Variants in PPFIA1 observed in about 807,000 individuals in gnomAD.
PPFIA1 encodes the protein liprin-alpha-1.
PPFIA1 carries 25 observed loss-of-function variants against 149.9 expected under a neutral mutation model. The observed-to-expected ratio is 0.17, with a 90% CI of 0.12 to 0.23. PPFIA1 has a LOEUF of 0.23. Among genes scored for constraint, PPFIA1 ranks in the 10% least tolerant of loss-of-function variants. The probability of loss-of-function intolerance (pLI) is 1.00; values close to 1 mark genes in which losing one functional copy is unlikely to be tolerated. For synonymous variants in PPFIA1, 549 were observed against 552.8 expected (o/e 0.99, Z 0.10); for missense variants, 1,362 against 1,506.5 (o/e 0.90, Z 1.59).
In PPFIA1 at chr11:70,326,583, T is replaced by C. The variant is rs2054301885; in HGVS notation, c.709-14T>C. On this transcript the variant is annotated splice_polypyrimidine_tract_variant and intron_variant, in intron 6 of 27. Coordinates refer to ENST00000253925, the MANE Select transcript of PPFIA1 (RefSeq NM_003626.5). Reference sequence around the variant, plus strand: ...AAACAAGGGTATTTAAGGATTTTTTTTTCCCCCTATCAGAGATCTTCTGAT... The same window carrying C: ...AAACAAGGGTATTTAAGGATTTTTTCTTCCCCCTATCAGAGATCTTCTGAT... 6.3e-7 allele frequency: 1 copy of C among 1,587,386 alleles called. No homozygotes were observed. Among genetic ancestry groups the C allele is most frequent in the Non-Finnish European group, 8.6e-7 (1 of 1,165,426 alleles).
chr11:70,380,373 C>T (rs1485071876), intron 26 of PPFIA1, among the ~76,000 whole-genome samples: 1 of 151,504 alleles, frequency 6.6e-6, no homozygotes, highest in Non-Finnish European at 1.5e-5. Context: ...CAAGACCATC[C>T]TGGCTAACAC....
intron 2 of PPFIA1, among the ~76,000 whole-genome samples, chr11:70,315,545 A>G (rs1039860469): frequency 6.6e-6 from 1 of 152,126 alleles, no homozygotes; most frequent in Non-Finnish European, 1.5e-5. Context: ...GACTGAGGCG[A>G]GTAGCTTCTA....
chr11:70,343,569 T>C (rs1458360998), intron 14 of PPFIA1, 100 bp from the exon 15 acceptor site: 3 of 1,056,198 alleles, frequency 2.8e-6, no homozygotes, highest in African/African-American at 1.6e-5. Flanking sequence ...CTAAAATCTT[T>C]TGGGCTTTCA....
intron 2 of PPFIA1, among the ~76,000 whole-genome samples, chr11:70,309,347 T>C (rs1372872928): frequency 6.6e-6 from 1 of 152,142 alleles, no homozygotes; most frequent in Non-Finnish European, 1.5e-5. Flanking sequence ...TTTGTATTTT[T>C]AGTAGAGACG....
chr11:70,317,581 C>A (rs2053709286), intron 2 of PPFIA1, among the ~76,000 whole-genome samples: 1 of 152,132 alleles, frequency 6.6e-6, no homozygotes, highest in African/African-American at 2.4e-5. Flanking sequence ...AGAGGCAAAT[C>A]TAAAATCTGG....
chr11:70,325,594 AT>A lies in PPFIA1; in HGVS notation c.606+21del. Reference sequence around the variant, plus strand: ...AAAGAGGTAAGCTTGAGACTTCATCATGAGTTGAATTGGGGGGGGGTTATTT... The same window carrying A: ...AAAGAGGTAAGCTTGAGACTTCATCAGAGTTGAATTGGGGGGGGGTTATTT... On this transcript the variant is annotated intron_variant, in intron 5 of 27. Coordinates refer to ENST00000253925, the MANE Select transcript of PPFIA1 (RefSeq NM_003626.5). The A allele has an allele frequency of 6.7e-7, 1 of 1,501,804 alleles. No individual in the cohort carries two copies. Among genetic ancestry groups the A allele is most frequent in the South Asian group, 1.1e-5 (1 of 88,644 alleles). The allele number at this position is 1,501,804 out of a possible 1,614,324, so 93.0% of individuals were successfully genotyped here.
At chr11:70,344,408 C>T (rs1435403873) in intron 15 of PPFIA1, among the ~76,000 whole-genome samples, 2 of 152,222 alleles carry the variant, frequency 1.3e-5, no homozygotes, top group African/African-American at 4.8e-5. Flanking sequence ...CCAGAGAGAC[C>T]AGCACTCAGA....
Position 70,335,474 on chromosome 11 carries a change from A to G in PPFIA1, c.1297-89A>G. On this transcript the variant is annotated intron_variant, in intron 10 of 27. Transcript: ENST00000253925. ...GCAACTGGGGGAGGGGAGGGCACAC[A>G]TGGGGCTCACCCTGTTGGTCCTTGT... is the stretch of plus-strand genomic sequence containing the variant. 12 of 1,496,496 alleles carry G rather than the reference A, an allele frequency of 8.0e-6. No individual in the cohort carries two copies. In the South Asian group the frequency reaches 1.2e-4, roughly 15 times the overall value. 92.7% of individuals were successfully genotyped at this position (1,496,496 alleles called of 1,614,324 possible). A position where few individuals can be genotyped will look rare whatever the true frequency, so the allele number is the denominator to read the frequency against.
chr11:70,307,003 G>C (rs1828784452), intron 2 of PPFIA1, among the ~76,000 whole-genome samples: 1 of 152,154 alleles, frequency 6.6e-6, no homozygotes, highest in African/African-American at 2.4e-5. Context: ...ACCCAGTTGA[G>C]TACATGAAGA....
chr11:70,343,783 G>T lies in PPFIA1; in HGVS notation c.1822G>T (p.Asp608Tyr). Residue 608 changes from aspartate to tyrosine, a missense_variant, in exon 15 of 28, where the codon GAC becomes TAC. Transcript: ENST00000253925. The stretch of plus-strand genomic sequence containing the variant: ...CGTGTCTGATGGTGAAGATGACAGG[G>T]ACACTCTCCTCAGCTCAGTTGACCT... ...ADVSDGEDDRDTLLSSVDLLS... is the reference protein window; with the variant it reads ...ADVSDGEDDRYTLLSSVDLLS... The T allele has an allele frequency of 6.2e-7, 1 of 1,614,200 alleles. No individual in the cohort carries two copies.
chr11:70,289,002 C>G (rs1056746868), intron 2 of PPFIA1, among the ~76,000 whole-genome samples: 1 of 143,856 alleles, frequency 7.0e-6, no homozygotes, highest in Non-Finnish European at 1.5e-5. Flanking sequence ...GAGTCTTGCT[C>G]TGTCGCCCAG....
chr11:70,323,340 C>T (rs368288328), intron 2 of PPFIA1, among the ~76,000 whole-genome samples: 32 of 152,314 alleles, frequency 2.1e-4, no homozygotes, highest in East Asian at 5.8e-4. Context: ...CTGCAGCTAC[C>T]GTCTTACAGA....
chr11:70,376,950 A>G (rs1308705376), intron 25 of PPFIA1, among the ~76,000 whole-genome samples: 1 of 151,942 alleles, frequency 6.6e-6, no homozygotes, highest in African/African-American at 2.4e-5. Flanking sequence ...GTAGGTGCCT[A>G]TAATCGCAGC....
In PPFIA1 at chr11:70,316,116, G is replaced by C. The variant is rs149700698; in HGVS notation, c.265-8286G>C. On this transcript the variant is annotated intron_variant, in intron 2 of 27. Transcript: ENST00000253925. The stretch of plus-strand genomic sequence containing the variant: ...GACAGAGTTTGGCTCTCATTGCCCA[G>C]GCTGGAGTGCAGTGGCGCAGTCTCG... 1.4e-3 allele frequency among the ~76,000 whole-genome samples: 217 copies of C among 151,996 alleles called. 3 individuals carry two copies. In the East Asian group the frequency reaches 0.027, roughly 19 times the overall value.
At chr11:70,282,680 C>A (rs67927691) in intron 2 of PPFIA1, among the ~76,000 whole-genome samples, 32,428 of 150,746 alleles carry the variant, frequency 0.22, 5,260 homozygotes, top group African/African-American at 0.45. Flanking sequence ...AGGTGCCCGC[C>A]ACTACATCCA....
Position 70,383,610 on chromosome 11 carries a change from G to A in PPFIA1, c.*620G>A, listed in dbSNP as rs1440031173. ...TCTGCAGCATGAACAGATTTAAAATGGCTGGTGTTAAATATCAGCTCCTAA... is the reference window on the plus strand; with the variant it reads ...TCTGCAGCATGAACAGATTTAAAATAGCTGGTGTTAAATATCAGCTCCTAA... On this transcript the variant is annotated 3_prime_UTR_variant, in exon 28 of 28. Coordinates refer to ENST00000253925, the MANE Select transcript of PPFIA1 (RefSeq NM_003626.5). 2 of 154,734 alleles carry A rather than the reference G, an allele frequency of 1.3e-5. No homozygotes were observed. Among genetic ancestry groups the A allele is most frequent in the African/African-American group, 2.4e-5 (1 of 41,492 alleles). 9.6% of individuals were successfully genotyped at this position (154,734 alleles called of 1,614,324 possible).
intron 2 of PPFIA1, among the ~76,000 whole-genome samples, chr11:70,322,914 C>A (rs1050199629): frequency 1.3e-5 from 2 of 151,488 alleles, no homozygotes; most frequent in Non-Finnish European, 2.9e-5. Flanking sequence ...CTGCTGTCTT[C>A]CACTCTCTCT....
chr11:70,378,614 AAC>A (rs547553759), intron 26 of PPFIA1: 6 of 295,488 alleles, frequency 2.0e-5, no homozygotes, highest in Non-Finnish European at 2.5e-5. Context: ...CATTTTTAAG[AAC>A]ACACAGTTTC....
intron 6 of PPFIA1, 79 bp downstream of exon 6, chr11:70,326,442 G>A: frequency 2.2e-6 from 3 of 1,377,654 alleles, no homozygotes; most frequent in Non-Finnish European, 3.0e-6. Flanking sequence ...GAAAACAGTT[G>A]CTAAAGTACC....
Sources: gnomAD v4.1 joint callset for allele counts (sites outside exome capture counted in the v4.1 genomes callset) on GRCh38, gnomAD v4.1.1 for gene constraint, MANE v1.5 for transcripts, NCBI Gene and HGNC (gene_info 2026-07-23, HGNC 2026-07-21) for gene names.